GAB2: variants seen among roughly 807,000 people sequenced by gnomAD.
GAB2 encodes the protein GRB2 associated binding protein 2.
GAB2 carries 26 observed loss-of-function variants against 65.5 expected under a neutral mutation model. That is an observed-to-expected ratio of 0.40 (90% CI 0.29 to 0.55). The LOEUF is 0.55. GAB2 is among the 20% of genes least tolerant of loss of function. GAB2 has a pLI of 0.53. For synonymous variants in GAB2, 321 were observed against 329.6 expected (o/e 0.97, Z 0.28); for missense variants, 884 against 875.8 (o/e 1.01, Z -0.12).
At chr11:78,222,021 C>G (rs1303898717) in intron 7 of GAB2, 84 bp downstream of exon 7, 1 of 899,160 alleles carries the variant, frequency 1.1e-6, no homozygotes, top group African/African-American at 1.6e-5. Flanking sequence ...ATCCAGCTGT[C>G]CCGGCCCACA....
intron 1 of GAB2, among the ~76,000 whole-genome samples, chr11:78,357,057 G>A (rs1856368830): frequency 6.6e-6 from 1 of 152,154 alleles, no homozygotes; most frequent in Admixed American, 6.5e-5. Flanking sequence ...TTTGTAAGAT[G>A]AGAAGTTCTG....
At chr11:78,347,658 A>G (rs1216522255) in intron 1 of GAB2, among the ~76,000 whole-genome samples, 1 of 152,230 alleles carries the variant, frequency 6.6e-6, no homozygotes, top group African/African-American at 2.4e-5. Flanking sequence ...ATAGACCTAA[A>G]TGTAAAAGCT....
intron 1 of GAB2, among the ~76,000 whole-genome samples, chr11:78,363,338 G>C (rs1178702145): frequency 2.6e-5 from 4 of 152,142 alleles, no homozygotes; most frequent in Non-Finnish European, 4.4e-5. Context: ...GAAGATGTTG[G>C]TCTCTTACAC....
chr11:78,417,643 C>G lies in GAB2; in HGVS notation c.75+3G>C. On this transcript the variant is annotated splice_donor_region_variant and intron_variant, in intron 1 of 9. Coordinates refer to ENST00000361507, the MANE Select transcript of GAB2 (RefSeq NM_080491.3). The stretch of plus-strand genomic sequence containing the variant: ...GCCCCTGGGCGGCCGCGCCCGCACT[C>G]ACATAGCGCCTCAACTTCTTCTCGG... 7.3e-7 allele frequency: 1 copy of G among 1,373,372 alleles called. No homozygotes were observed. The highest frequency in any genetic ancestry group is 9.6e-7 in the Non-Finnish European group (1 of 1,039,478). 85.1% of individuals were successfully genotyped at this position (1,373,372 alleles called of 1,614,324 possible). A position where few individuals can be genotyped will look rare whatever the true frequency, so the allele number is the denominator to read the frequency against.
At chr11:78,352,613 G>C (rs567703771) in intron 1 of GAB2, among the ~76,000 whole-genome samples, 1 of 151,824 alleles carries the variant, frequency 6.6e-6, no homozygotes, top group African/African-American at 2.4e-5. Context: ...TATCAGGGAA[G>C]GTAAATCCCC....
In GAB2 at chr11:78,300,526, A is replaced by AAAAAAAAAAAC. The variant is rs768693943; in HGVS notation, c.76-19626_76-19625insGTTTTTTTTTT. Among the ~76,000 whole-genome samples the AAAAAAAAAAAC allele has an allele frequency of 1.2e-3, 171 of 145,466 alleles. No individual in the cohort carries two copies. The East Asian group carries it at 0.014, about 12-fold the overall frequency. ...CTACGTTTAATTTTATAAAAAAACA[A>AAAAAAAAAAAC]AAAAACAAAAAACTACCACATTGTT... is the stretch of plus-strand genomic sequence containing the variant. On this transcript the variant is annotated intron_variant, in intron 1 of 9. Transcript: ENST00000361507.
At chr11:78,343,115 T>G (rs1434527247) in intron 1 of GAB2, among the ~76,000 whole-genome samples, 1 of 152,130 alleles carries the variant, frequency 6.6e-6, no homozygotes, top group East Asian at 1.9e-4. Flanking sequence ...TTTTGAGGAA[T>G]CAACTTGTCA....
chr11:78,384,696 A>C (rs543507555), intron 1 of GAB2, among the ~76,000 whole-genome samples: 1 of 152,332 alleles, frequency 6.6e-6, no homozygotes, highest in African/African-American at 2.4e-5. Flanking sequence ...AGTGGAAGCC[A>C]GCAGAGCTCG....
chr11:78,370,474 T>C (rs1408480847), intron 1 of GAB2, among the ~76,000 whole-genome samples: 1 of 152,114 alleles, frequency 6.6e-6, no homozygotes, highest in Non-Finnish European at 1.5e-5. Flanking sequence ...TTTTATTGAC[T>C]ACTATTGTGC....
At chr11:78,230,489 C>G (rs1461153358) in intron 3 of GAB2, among the ~76,000 whole-genome samples, 11 of 152,258 alleles carry the variant, frequency 7.2e-5, no homozygotes, top group African/African-American at 2.7e-4. Flanking sequence ...ATCATTCCTT[C>G]CTCTGTGCTA....
At chr11:78,221,648 G>A (rs541168313) in intron 8 of GAB2, 29 bp downstream of exon 8, 67 of 1,443,628 alleles carry the variant, frequency 4.6e-5, no homozygotes, top group African/African-American at 1.8e-4. Context: ...CTTGAAAGGC[G>A]TCATTCCAGC....
At chr11:78,253,219 C>A (rs1372705510) in intron 2 of GAB2, among the ~76,000 whole-genome samples, 3 of 151,982 alleles carry the variant, frequency 2.0e-5, no homozygotes, top group Non-Finnish European at 4.4e-5. Context: ...CCATGTTGGC[C>A]AGGATGGTCT....
chr11:78,325,735 G>A (rs1855810089), intron 1 of GAB2, among the ~76,000 whole-genome samples: 1 of 152,120 alleles, frequency 6.6e-6, no homozygotes, highest in South Asian at 2.1e-4. Flanking sequence ...GCAACATCCT[G>A]ACAACCACTA....
chr11:78,291,569 T>C (rs1475267640), intron 1 of GAB2, among the ~76,000 whole-genome samples: 9 of 114,266 alleles, frequency 7.9e-5, no homozygotes, highest in African/African-American at 2.6e-4. Context: ...TTCTTTTTTT[T>C]TTTTTTTTTT....
At chr11:78,262,878 C>G (rs1277608612) in intron 2 of GAB2, among the ~76,000 whole-genome samples, 1 of 152,210 alleles carries the variant, frequency 6.6e-6, no homozygotes, top group African/African-American at 2.4e-5. Context: ...CAAACTACAG[C>G]CCATACATTA....
intron 2 of GAB2, among the ~76,000 whole-genome samples, chr11:78,263,319 G>T (rs1187752796): frequency 6.6e-6 from 1 of 151,952 alleles, no homozygotes; most frequent in Admixed American, 6.6e-5. Flanking sequence ...CTAGTTGTTG[G>T]TCAGCATACA....
At chr11:78,302,860 A>G (rs1336738988) in intron 1 of GAB2, among the ~76,000 whole-genome samples, 1 of 152,228 alleles carries the variant, frequency 6.6e-6, no homozygotes, top group Non-Finnish European at 1.5e-5. Context: ...ATACTAGTCG[A>G]CCATAAAAAG....
At position 78,402,434 on chromosome 11, in the gene GAB2, T is replaced by A. The variant is rs559284085; in HGVS notation, c.75+15212A>T. ...CATTTTCATTTTTGTTTAAAAAAAATTTTTTTTTTTTTGAGACAGAGTTTC... is the reference window on the plus strand; with the variant it reads ...CATTTTCATTTTTGTTTAAAAAAAAATTTTTTTTTTTTGAGACAGAGTTTC... On this transcript the variant is annotated intron_variant, in intron 1 of 9. Transcript: ENST00000361507. Among the ~76,000 whole-genome samples, 1,206 of 143,036 alleles carry A rather than the reference T, an allele frequency of 8.4e-3. 7 individuals carry two copies. Among genetic ancestry groups the A allele is most frequent in the Non-Finnish European group, 0.011 (716 of 66,390 alleles). The allele number at this position is 143,036 out of a possible 152,430, so 93.8% of individuals were successfully genotyped here. A position where few individuals can be genotyped will look rare whatever the true frequency, so the allele number is the denominator to read the frequency against.
intron 1 of GAB2, among the ~76,000 whole-genome samples, chr11:78,371,760 G>C (rs1256720921): frequency 6.6e-6 from 1 of 152,170 alleles, no homozygotes; most frequent in South Asian, 2.1e-4. Flanking sequence ...CATTAGTAAA[G>C]TCACTTGAAG....
Sources: allele counts gnomAD v4.1 joint callset (sites outside exome capture counted in the v4.1 genomes callset), GRCh38; gene constraint gnomAD v4.1.1; transcripts MANE v1.5; gene names NCBI Gene and HGNC (gene_info 2026-07-23, HGNC 2026-07-21).